PLEKHA8: variants seen among roughly 807,000 people sequenced by gnomAD.
PLEKHA8 encodes the protein pleckstrin homology domain-containing family A member 8.
PLEKHA8 carries 36 observed loss-of-function variants against 68.2 expected under a neutral mutation model. The ratio of observed to expected loss-of-function variants is 0.53; its 90% CI spans 0.40 to 0.70. PLEKHA8 has a LOEUF of 0.70. Ranked by LOEUF, PLEKHA8 falls within the 30% of genes least tolerant of loss-of-function variation. The pLI is 0.00. For missense variants in PLEKHA8, 505 were observed against 615.4 expected, an observed-to-expected ratio of 0.82 and a Z score of 1.90; for synonymous variants, 211 against 216.1, an observed-to-expected ratio of 0.98 and a Z score of 0.20.
chr7:30,117,241 G>A (rs1007529115), intron 13 of PLEKHA8, among the ~76,000 whole-genome samples: 9 of 152,170 alleles, frequency 5.9e-5, no homozygotes, highest in South Asian at 2.1e-4. Flanking sequence ...ATGTGTGTGT[G>A]CATTTCCTAG....
At chr7:30,058,468 GTTC>G (rs746833414) in intron 9 of PLEKHA8, among the ~76,000 whole-genome samples, 2 of 139,510 alleles carry the variant, frequency 1.4e-5, no homozygotes, top group African/African-American at 2.7e-5. Flanking sequence ...GGGAGTTGAG[GTTC>G]TTTTTTTTTT....
chr7:30,041,840 C>G (rs1474284323), intron 1 of PLEKHA8, among the ~76,000 whole-genome samples: 1 of 151,948 alleles, frequency 6.6e-6, no homozygotes, highest in African/African-American at 2.4e-5. Flanking sequence ...CACATTTCAA[C>G]AACTCTGAAA....
intron 13 of PLEKHA8, among the ~76,000 whole-genome samples, chr7:30,123,788 C>G (rs1796730904): frequency 6.6e-6 from 1 of 152,182 alleles, no homozygotes; most frequent in African/African-American, 2.4e-5. Flanking sequence ...ATAACTTTAC[C>G]TGGGCACCTA....
At chr7:30,060,238 T>C (rs1270043039) in intron 9 of PLEKHA8, among the ~76,000 whole-genome samples, 1 of 152,146 alleles carries the variant, frequency 6.6e-6, no homozygotes, top group Non-Finnish European at 1.5e-5. Flanking sequence ...GATTAGGAGT[T>C]CGAGACCAGC....
intron 1 of PLEKHA8, among the ~76,000 whole-genome samples, chr7:30,041,087 A>G (rs1240547197): frequency 1.3e-5 from 2 of 152,196 alleles, no homozygotes; most frequent in African/African-American, 2.4e-5. Flanking sequence ...ACAATTCATC[A>G]TTCCTGGGCT....
At chr7:30,104,484 A>G (rs1050414493) in intron 13 of PLEKHA8, among the ~76,000 whole-genome samples, 1 of 152,186 alleles carries the variant, frequency 6.6e-6, no homozygotes, top group African/African-American at 2.4e-5. Context: ...ATGGAATACC[A>G]CTCAGCAATA....
rs1562557577 is a variant in PLEKHA8, at chr7:30,115,698, ATACAT to A, written c.1363-13567_1363-13563del. On this transcript the variant is annotated intron_variant, in intron 13 of 13. Transcript: ENST00000396257. Reference sequence around the variant, plus strand: ...CATACGCACATACATGCATACACGTATACATGTATACATACGCGCATGCATGCATA... The same window carrying A: ...CATACGCACATACATGCATACACGTAGTATACATACGCGCATGCATGCATA... 1.4e-4 allele frequency: 21 copies of A among 145,478 alleles called. 2 individuals are homozygous for A. The highest frequency in any genetic ancestry group is 5.4e-4 in the African/African-American group (21 of 38,536). The allele number at this position is 145,478 out of a possible 1,614,324, so 9.0% of individuals were successfully genotyped here.
chr7:30,119,485 A>G lies in PLEKHA8; in HGVS notation c.1363-9781A>G, dbSNP rs116497897. On this transcript the variant is annotated intron_variant, in intron 13 of 13. Transcript: ENST00000396257. ...AAAGCCGTGCATTACATTCTCAGCTATTAAGAAACTGCCGAGGACAGTATC... is the reference window on the plus strand; with the variant it reads ...AAAGCCGTGCATTACATTCTCAGCTGTTAAGAAACTGCCGAGGACAGTATC... Among the ~76,000 whole-genome samples, 1,297 of 152,356 alleles carry G rather than the reference A, an allele frequency of 8.5e-3. 22 individuals carry two copies. Among genetic ancestry groups the G allele is most frequent in the African/African-American group, 0.03 (1,250 of 41,588 alleles).
downstream of PLEKHA8, among the ~76,000 whole-genome samples, chr7:30,088,198 C>T (rs1795254873): frequency 6.6e-6 from 1 of 152,212 alleles, no homozygotes; most frequent in Admixed American, 6.5e-5. Flanking sequence ...TGCCTGACCA[C>T]TCAGAGTATA....
downstream of PLEKHA8, among the ~76,000 whole-genome samples, chr7:30,085,597 G>C (rs1013329485): frequency 6.6e-6 from 1 of 152,184 alleles, no homozygotes; most frequent in South Asian, 2.1e-4. Flanking sequence ...CTACGGATAT[G>C]TATGACTGGC....
At chr7:30,087,111 T>G (rs535548880), downstream of PLEKHA8, among the ~76,000 whole-genome samples, 2 of 152,332 alleles carry the variant, frequency 1.3e-5, no homozygotes, top group African/African-American at 4.8e-5. Context: ...TGCTTTGGCT[T>G]GAGAGTCCAG....
chr7:30,042,776 G>A (rs892794062), intron 1 of PLEKHA8, among the ~76,000 whole-genome samples: 40 of 152,304 alleles, frequency 2.6e-4, no homozygotes, highest in African/African-American at 8.9e-4. Context: ...CTCAGAAATT[G>A]ACTCTTCTGT....
intron 2 of PLEKHA8, 103 bp from the exon 3 acceptor site, chr7:30,046,107 C>A: frequency 1.8e-6 from 2 of 1,122,284 alleles, no homozygotes; most frequent in Middle Eastern, 3.2e-4. Flanking sequence ...TGGGAAGAAG[C>A]CTTCAATGAC....
intron 13 of PLEKHA8, 89 bp from the exon 14 acceptor site, chr7:30,078,501 A>C: frequency 7.4e-7 from 1 of 1,351,592 alleles, no homozygotes; most frequent in African/African-American, 1.4e-5. Context: ...GTATGTGTGA[A>C]AGTATGTGTG....
intron 13 of PLEKHA8, among the ~76,000 whole-genome samples, chr7:30,115,646 A>ATGTACACATACATGCACACG (rs1796428410): frequency 6.6e-6 from 1 of 151,864 alleles, no homozygotes; most frequent in Non-Finnish European, 1.5e-5. Flanking sequence ...ACATGCACAC[A>ATGTACACATACATGCACACG]TGTACACATA....
intron 10 of PLEKHA8, 51 bp from the exon 11 acceptor site, chr7:30,061,846 T>C (rs776528076): frequency 6.2e-7 from 1 of 1,608,510 alleles, no homozygotes; most frequent in South Asian, 1.1e-5. Context: ...ACTGAGTTGC[T>C]TGATAACTTC....
Position 30,117,963 on chromosome 7 carries a change from C to CT in PLEKHA8, c.1363-11302dup, listed in dbSNP as rs1796620905. On this transcript the variant is annotated intron_variant, in intron 13 of 13. Transcript: ENST00000396257. ...TAAAAACTGAGACGTGGATTCATTT[C>CT]TAACAGGGACACACAAATGTCTGAT... 3.3e-6 allele frequency: 5 copies of CT among 1,527,364 alleles called. No homozygotes were observed. The South Asian group carries it at 6.0e-5, about 18-fold the overall frequency. The allele number at this position is 1,527,364 out of a possible 1,614,324, so 94.6% of individuals were successfully genotyped here.
chr7:30,055,225 T>C, intron 8 of PLEKHA8, 32 bp from the exon 9 acceptor site: 1 of 1,582,460 alleles, frequency 6.3e-7, no homozygotes, highest in Non-Finnish European at 8.7e-7. Flanking sequence ...GTATTTTCAA[T>C]CTTTTCTCCT....
chr7:30,083,204 T>C lies in PLEKHA8; in HGVS notation c.*4417T>C, dbSNP rs1006647741. ...TAAGGGCTCTACACAAACTTCATTATGTATGGTAAATTTGTATTCTTATGG... is the reference window on the plus strand; with the variant it reads ...TAAGGGCTCTACACAAACTTCATTACGTATGGTAAATTTGTATTCTTATGG... On this transcript the variant is annotated 3_prime_UTR_variant, in exon 14 of 14. Transcript: ENST00000449726. 3.0e-6 allele frequency: 3 copies of C among 983,742 alleles called. No individual in the cohort carries two copies. The African/African-American group carries it at 5.2e-5, about 17-fold the overall frequency. The allele number at this position is 983,742 out of a possible 1,614,324, so 60.9% of individuals were successfully genotyped here.
Sources: allele counts gnomAD v4.1 joint callset (sites outside exome capture counted in the v4.1 genomes callset), GRCh38; gene constraint gnomAD v4.1.1; transcripts MANE v1.5; gene names NCBI Gene and HGNC (gene_info 2026-07-23, HGNC 2026-07-21).